Variants in P4HA3 observed in about 807,000 individuals in gnomAD.
The protein encoded by P4HA3 is prolyl 4-hydroxylase subunit alpha-3.
P4HA3 carries 60 observed loss-of-function variants against 66.7 expected under a neutral mutation model. The ratio of observed to expected loss-of-function variants is 0.90; its 90% CI spans 0.73 to 1.12. The LOEUF is 1.12. P4HA3 is among the 50% of genes most tolerant of loss of function. The pLI is 0.00. For synonymous variants in P4HA3, 263 were observed against 274.6 expected (o/e 0.96, Z 0.42); for missense variants, 683 against 685.8 (o/e 1.00, Z 0.05).
At chr11:74,304,805 A>ATG (rs1281762232) in intron 1 of P4HA3, among the ~76,000 whole-genome samples, 1 of 152,164 alleles carries the variant, frequency 6.6e-6, no homozygotes, top group Non-Finnish European at 1.5e-5. Context: ...AACCACTGTG[A>ATG]TATGTGCTAT....
chr11:74,309,173 A>T (rs1340581674), intron 1 of P4HA3, among the ~76,000 whole-genome samples: 2 of 152,282 alleles, frequency 1.3e-5, no homozygotes, highest in Non-Finnish European at 2.9e-5. Flanking sequence ...TTTGCTACCT[A>T]TTAGATTTAT....
chr11:74,282,500 G>A (rs1288495903), intron 7 of P4HA3, among the ~76,000 whole-genome samples: 1 of 152,210 alleles, frequency 6.6e-6, no homozygotes, highest in Non-Finnish European at 1.5e-5. Context: ...GTTCCAGGCA[G>A]ACAGAAGAGT....
Position 74,303,222 on chromosome 11 carries a change from T to C in P4HA3, c.344-630A>G, listed in dbSNP as rs1004567670. Among the ~76,000 whole-genome samples, 4 of 151,838 alleles carry C rather than the reference T, an allele frequency of 2.6e-5. No homozygotes were observed. In the South Asian group the frequency reaches 6.2e-4, roughly 24 times the overall value. On this transcript the variant is annotated intron_variant, in intron 2 of 12. Coordinates refer to ENST00000331597, the MANE Select transcript of P4HA3 (RefSeq NM_182904.5). ...CTTCCAACTCAAGCTCCCAAAGTGT[T>C]GAGATTATTGGCATGAGCAACCACA...
intron 4 of P4HA3, among the ~76,000 whole-genome samples, chr11:74,295,220 T>A (rs1265867975): frequency 6.6e-6 from 1 of 152,228 alleles, no homozygotes; most frequent in African/African-American, 2.4e-5. Flanking sequence ...CCAGATTCAG[T>A]TCTTCCCGGA....
Position 74,268,295 on chromosome 11 carries a change from G to A in P4HA3, c.1468-54C>T, listed in dbSNP as rs11236039. On this transcript the variant is annotated intron_variant, in intron 11 of 12. Coordinates refer to ENST00000331597, the MANE Select transcript of P4HA3 (RefSeq NM_182904.5). Reference sequence around the variant, plus strand: ...GGGTCAGCCCAGAACCTCAGTCCTCGGGAAGCACATACTAAGGACAAATGC... The same window carrying A: ...GGGTCAGCCCAGAACCTCAGTCCTCAGGAAGCACATACTAAGGACAAATGC... 6.5e-3 allele frequency: 9,234 copies of A among 1,429,586 alleles called. 40 individuals are homozygous for A. Among genetic ancestry groups the A allele is most frequent in the Non-Finnish European group, 8.0e-3 (8,197 of 1,019,486 alleles). 88.6% of individuals were successfully genotyped at this position (1,429,586 alleles called of 1,614,324 possible). A position where few individuals can be genotyped will look rare whatever the true frequency, so the allele number is the denominator to read the frequency against.
At position 74,267,404 on chromosome 11, in the gene P4HA3, CGT is replaced by C. The variant is rs1860027535; in HGVS notation, c.1565-88_1565-87del. 4.0e-6 allele frequency: 6 copies of C among 1,492,800 alleles called. No individual in the cohort carries two copies. The South Asian group carries it at 5.2e-5, about 13-fold the overall frequency. The allele number at this position is 1,492,800 out of a possible 1,614,324, so 92.5% of individuals were successfully genotyped here. A position where few individuals can be genotyped will look rare whatever the true frequency, so the allele number is the denominator to read the frequency against. Reference sequence around the variant, plus strand: ...GCAGACTGGTGCGCACTCATAGGCGCGTGTGAGTGCCCCCTTAAATTCTGCAT... The same window carrying C: ...GCAGACTGGTGCGCACTCATAGGCGCGTGAGTGCCCCCTTAAATTCTGCAT... On this transcript the variant is annotated intron_variant, in intron 12 of 12. Transcript: ENST00000331597.
At chr11:74,307,931 C>T (rs975126430) in intron 1 of P4HA3, among the ~76,000 whole-genome samples, 3 of 152,094 alleles carry the variant, frequency 2.0e-5, no homozygotes, top group African/African-American at 7.2e-5. Flanking sequence ...ACTTCTCTCT[C>T]ACTCTTGGTG....
At chr11:74,274,805 T>G (rs1241789519) in intron 9 of P4HA3, among the ~76,000 whole-genome samples, 1 of 152,212 alleles carries the variant, frequency 6.6e-6, no homozygotes, top group Non-Finnish European at 1.5e-5. Flanking sequence ...GCATTCCCAC[T>G]AGCAGTGTAT....
intron 15 of P4HA3, chr11:74,251,387 C>A: frequency 7.3e-7 from 1 of 1,362,806 alleles, no homozygotes; most frequent in Non-Finnish European, 9.4e-7. Context: ...TGAGAAAACA[C>A]CATTCTGTAA....
At chr11:74,256,561 A>G (rs1166316869) in intron 15 of P4HA3, among the ~76,000 whole-genome samples, 2 of 152,158 alleles carry the variant, frequency 1.3e-5, no homozygotes, top group Non-Finnish European at 2.9e-5. Context: ...TGTTCACTTA[A>G]CATGGCTTTA....
At chr11:74,287,355 G>A (rs1032763888) in intron 5 of P4HA3, 2 of 1,273,008 alleles carry the variant, frequency 1.6e-6, no homozygotes, top group African/African-American at 3.1e-5. Flanking sequence ...AAGAAGTGAA[G>A]TTTTGGAGAA....
At chr11:74,301,311 T>C (rs376772912) in intron 3 of P4HA3, among the ~76,000 whole-genome samples, 2 of 152,164 alleles carry the variant, frequency 1.3e-5, no homozygotes, top group Admixed American at 6.6e-5. Context: ...CCAGTAAGAC[T>C]TCCAGGAAGT....
At chr11:74,287,406 G>T in intron 5 of P4HA3, 1 of 1,086,150 alleles carries the variant, frequency 9.2e-7, no homozygotes, top group Non-Finnish European at 1.2e-6. Context: ...ATATTGCAAA[G>T]CCGGAAATAA....
intron 8 of P4HA3, 130 bp from the exon 9 acceptor site, chr11:74,277,274 G>T: frequency 8.5e-7 from 1 of 1,181,820 alleles, no homozygotes; most frequent in Non-Finnish European, 1.2e-6. Flanking sequence ...AAGGAGGAAA[G>T]AGAGGGAGGG....
intron 7 of P4HA3, among the ~76,000 whole-genome samples, chr11:74,282,766 C>T (rs1163494278): frequency 6.6e-6 from 1 of 152,198 alleles, no homozygotes; most frequent in Non-Finnish European, 1.5e-5. Flanking sequence ...ACCCAGGAAA[C>T]TGTCAGTGAT....
chr11:74,261,420 T>C (rs983772744), intron 14 of P4HA3, among the ~76,000 whole-genome samples: 1 of 152,176 alleles, frequency 6.6e-6, no homozygotes, highest in Non-Finnish European at 1.5e-5. Context: ...GCACACTGAA[T>C]GGGAAAACAG....
intron 10 of P4HA3, among the ~76,000 whole-genome samples, chr11:74,272,426 A>G (rs559363709): frequency 4.6e-5 from 7 of 152,262 alleles, no homozygotes; most frequent in African/African-American, 7.2e-5. Flanking sequence ...GTGACCTCCC[A>G]TAACAGCTGG....
At chr11:74,257,051 G>A (rs1325341626) in intron 15 of P4HA3, among the ~76,000 whole-genome samples, 2 of 152,196 alleles carry the variant, frequency 1.3e-5, no homozygotes, top group Non-Finnish European at 2.9e-5. Context: ...TAGTGACCAC[G>A]TTGTAAGAAG....
intron 9 of P4HA3, among the ~76,000 whole-genome samples, chr11:74,274,696 G>A (rs752929736): frequency 2.0e-5 from 3 of 152,050 alleles, no homozygotes; most frequent in Non-Finnish European, 4.4e-5. Context: ...TTTCTTTTGG[G>A]TAATATACAT....
Sources: gnomAD v4.1 joint callset for allele counts (sites outside exome capture counted in the v4.1 genomes callset) on GRCh38, gnomAD v4.1.1 for gene constraint, MANE v1.5 for transcripts, NCBI Gene and HGNC (gene_info 2026-07-23, HGNC 2026-07-21) for gene names.